The following FRMD5 variants were observed in gnomAD, a reference collection of about 807,000 sequenced individuals.
The protein encoded by FRMD5 is FERM domain-containing protein 5.
Under a neutral mutation model 69.0 loss-of-function variants are expected in FRMD5, and 20 were observed. The ratio of observed to expected loss-of-function variants is 0.29; its 90% CI spans 0.20 to 0.42. The LOEUF is 0.42. Ranked by LOEUF, FRMD5 falls within the 10% of genes least tolerant of loss-of-function variation. The pLI is 1.00. For missense variants in FRMD5, 595 were observed against 708.6 expected (o/e 0.84, Z 1.82); for synonymous variants, 271 against 260.1 (o/e 1.04, Z -0.40).
chr15:43,881,630 G>C (rs567912918), intron 13 of FRMD5, among the ~76,000 whole-genome samples: 2 of 152,286 alleles, frequency 1.3e-5, no homozygotes, highest in African/African-American at 4.8e-5. Flanking sequence ...GCTTGCTGCC[G>C]GCCTGTAAAC....
chr15:43,891,962 T>C lies in FRMD5; in HGVS notation c.728+19A>G. 1.9e-6 allele frequency: 3 copies of C among 1,605,652 alleles called. No homozygotes were observed. Among genetic ancestry groups the C allele is most frequent in the Non-Finnish European group, 2.6e-6 (3 of 1,172,324 alleles). On this transcript the variant is annotated intron_variant, in intron 8 of 13. Transcript: ENST00000417257. ...TTGGTGAGATATAAAGAGCCTATTT[T>C]GGAAATGAAGATGCTCACCATTTAA...
intron 1 of FRMD5, among the ~76,000 whole-genome samples, chr15:43,990,501 CA>C (rs1566883696): frequency 6.6e-6 from 1 of 152,072 alleles, no homozygotes; most frequent in Admixed American, 6.5e-5. Context: ...AATAGAGTTT[CA>C]AATGTTTTGA....
chr15:43,978,668 C>T (rs2090501799), intron 1 of FRMD5, among the ~76,000 whole-genome samples: 1 of 152,160 alleles, frequency 6.6e-6, no homozygotes, highest in Non-Finnish European at 1.5e-5. Context: ...TCTCCTGCCT[C>T]AGCCTCCCAA....
intron 1 of FRMD5, among the ~76,000 whole-genome samples, chr15:44,183,128 A>G (rs552429292): frequency 1.1e-4 from 17 of 152,260 alleles, no homozygotes; most frequent in African/African-American, 2.9e-4. Flanking sequence ...GGTAAGTGCT[A>G]TAAGTCCCCC....
chr15:43,878,911 ATTTCTTTTTTTTTTTCT>A (rs1050371418), intron 13 of FRMD5, among the ~76,000 whole-genome samples: 6 of 136,804 alleles, frequency 4.4e-5, no homozygotes, highest in African/African-American at 8.2e-5. Flanking sequence ...ATAGATAGGC[ATTTCTTTTTTTTTTTCT>A]TTTCTTTTTT....
At chr15:44,020,445 A>C (rs1431677169) in intron 1 of FRMD5, among the ~76,000 whole-genome samples, 1 of 152,224 alleles carries the variant, frequency 6.6e-6, no homozygotes, top group African/African-American at 2.4e-5. Flanking sequence ...GTGATGAACA[A>C]GACAGAGTTC....
chr15:43,945,780 C>T (rs2089936943), intron 1 of FRMD5, among the ~76,000 whole-genome samples: 1 of 152,164 alleles, frequency 6.6e-6, no homozygotes, highest in Admixed American at 6.5e-5. Context: ...AAAATGTCTT[C>T]CCCAGGTGGT....
At chr15:44,149,097 G>T (rs933801016) in intron 1 of FRMD5, among the ~76,000 whole-genome samples, 4 of 152,240 alleles carry the variant, frequency 2.6e-5, no homozygotes, top group Non-Finnish European at 4.4e-5. Flanking sequence ...CACACACAAT[G>T]TATAAGGATG....
intron 1 of FRMD5, among the ~76,000 whole-genome samples, chr15:44,179,332 T>C (rs2077956137): frequency 6.6e-6 from 1 of 152,242 alleles, no homozygotes; most frequent in African/African-American, 2.4e-5. Flanking sequence ...TAGTTTCTAA[T>C]CTGGTTTTCC....
chr15:43,975,496 T>C (rs2090449017), intron 1 of FRMD5, among the ~76,000 whole-genome samples: 2 of 152,210 alleles, frequency 1.3e-5, no homozygotes, highest in South Asian at 2.1e-4. Context: ...ACTTGAAAGA[T>C]GCTGGATTTC....
chr15:43,990,156 A>T, intron 1 of FRMD5: 1 of 578,210 alleles, frequency 1.7e-6, no homozygotes, highest in South Asian at 1.6e-5. Context: ...GCCATTGTCG[A>T]CGACAAGCAT....
chr15:44,123,862 T>C (rs1005850475), intron 1 of FRMD5, among the ~76,000 whole-genome samples: 1 of 152,212 alleles, frequency 6.6e-6, no homozygotes, highest in Admixed American at 6.5e-5. Context: ...TAGCAAGATG[T>C]AAATTACAAA....
chr15:43,873,897 G>A lies in FRMD5; in HGVS notation c.1701C>T (p.Leu567=). 2 of 1,613,918 alleles carry A rather than the reference G, an allele frequency of 1.2e-6. No homozygotes were observed. The highest frequency in any genetic ancestry group is 1.7e-6 in the Non-Finnish European group (2 of 1,179,878). ...ACKIRSVVSL[L]IDT ...GAGTCATGCCTTCTCAGGTGTCAAT[G>A]AGCAGGCTCACCACTGAGCGGATTT... Residue 567 remains leucine (L), a synonymous_variant, in exon 14 of 14, where the codon CTC becomes CTT. Transcript: ENST00000417257.
intron 1 of FRMD5, among the ~76,000 whole-genome samples, chr15:44,183,613 C>T (rs772289467): frequency 2.0e-5 from 3 of 152,064 alleles, no homozygotes; most frequent in Admixed American, 6.5e-5. Flanking sequence ...TAAATGTCAC[C>T]CCCACATGGA....
At chr15:44,178,484 C>T (rs1375858075) in intron 1 of FRMD5, among the ~76,000 whole-genome samples, 3 of 152,110 alleles carry the variant, frequency 2.0e-5, no homozygotes, top group Admixed American at 6.5e-5. Flanking sequence ...ATGCCTCCTA[C>T]GTATACCGTC....
chr15:43,961,150 C>T (rs1403431720), intron 1 of FRMD5, among the ~76,000 whole-genome samples: 2 of 152,112 alleles, frequency 1.3e-5, no homozygotes, highest in Non-Finnish European at 2.9e-5. Flanking sequence ...AATTGATAGA[C>T]TGCTAGCAAG....
chr15:44,147,343 TG>T (rs2077372637), intron 1 of FRMD5, among the ~76,000 whole-genome samples: 1 of 152,184 alleles, frequency 6.6e-6, no homozygotes, highest in Non-Finnish European at 1.5e-5. Context: ...TCTGTTCCAC[TG>T]GTATACATGT....
chr15:44,053,511 G>A (rs1185037314), intron 1 of FRMD5, among the ~76,000 whole-genome samples: 1 of 152,042 alleles, frequency 6.6e-6, no homozygotes, highest in Non-Finnish European at 1.5e-5. Flanking sequence ...GGATGGGAGC[G>A]GTGGCAGTGG....
At chr15:44,022,263 A>G (rs1260809622) in intron 1 of FRMD5, among the ~76,000 whole-genome samples, 2 of 152,094 alleles carry the variant, frequency 1.3e-5, no homozygotes, top group Non-Finnish European at 1.5e-5. Context: ...ATATTTTAAT[A>G]TAATACAAAA....
Sources: gnomAD v4.1 joint callset for allele counts (sites outside exome capture counted in the v4.1 genomes callset) on GRCh38, gnomAD v4.1.1 for gene constraint, MANE v1.5 for transcripts, NCBI Gene and HGNC (gene_info 2026-07-23, HGNC 2026-07-21) for gene names.